DTNA: variants seen among roughly 807,000 people sequenced by gnomAD.
DTNA encodes dystrophin-related protein 3.
A neutral mutation model predicts 100.7 loss-of-function variants in DTNA; 43 were observed. That is an observed-to-expected ratio of 0.43 (90% CI 0.33 to 0.55). The LOEUF (loss-of-function observed/expected upper bound fraction) is 0.55. Among genes scored for constraint, DTNA ranks in the 20% least tolerant of loss-of-function variants. DTNA has a pLI of 0.04. For missense variants in DTNA, 798 were observed against 953.9 expected, an observed-to-expected ratio of 0.84 and a Z score of 2.15; for synonymous variants, 349 against 347.9, an observed-to-expected ratio of 1.00 and a Z score of -0.04.
chr18:34,817,617 A>G (rs1351913076), intron 7 of DTNA, among the ~76,000 whole-genome samples: 1 of 152,074 alleles, frequency 6.6e-6, no homozygotes, highest in Non-Finnish European at 1.5e-5. Flanking sequence ...AGGCAACACC[A>G]CTCGTTAAGT....
At chr18:34,810,380 A>C (rs1056774496) in intron 5 of DTNA, among the ~76,000 whole-genome samples, 1 of 152,076 alleles carries the variant, frequency 6.6e-6, no homozygotes, top group Admixed American at 6.6e-5. Context: ...CTGTCATTTG[A>C]GGCAACAGGG....
chr18:34,794,120 G>T lies in DTNA; in HGVS notation c.232G>T (p.Val78Leu). 6.2e-7 allele frequency: 1 copy of T among 1,614,136 alleles called. No homozygotes were observed. Among genetic ancestry groups the T allele is most frequent in the Admixed American group, 1.7e-5 (1 of 60,006 alleles). Reference sequence around the variant, plus strand: ...CCTGGACCCAAACACTGAACTCAACGTGTCCCGCTTAGAGGCTGTGCTCTC... The same window carrying T: ...CCTGGACCCAAACACTGAACTCAACTTGTCCCGCTTAGAGGCTGTGCTCTC... ...NNLDPNTELNVSRLEAVLSTI... is the reference protein window; with the variant it reads ...NNLDPNTELNLSRLEAVLSTI... Residue 78 changes from valine (V) to leucine (L), a missense_variant, in exon 4 of 23, where the codon GTG becomes TTG. Coordinates refer to ENST00000444659, the MANE Select transcript of DTNA (RefSeq NM_001386795.1).
At chr18:34,707,459 G>A (rs192969808), upstream of DTNA, among the ~76,000 whole-genome samples, 16 of 152,178 alleles carry the variant, frequency 1.1e-4, no homozygotes, top group South Asian at 2.1e-4. Context: ...TACTGGCGTC[G>A]TATTCCCTAG....
intron 15 of DTNA, among the ~76,000 whole-genome samples, chr18:34,853,436 T>TA (rs1012048659): frequency 7.2e-5 from 11 of 152,188 alleles, no homozygotes; most frequent in African/African-American, 2.4e-4. Context: ...CAAGAAAGAA[T>TA]AAAAAGGAGG....
At chr18:34,756,743 G>A (rs561487666) in intron 2 of DTNA, among the ~76,000 whole-genome samples, 6 of 152,158 alleles carry the variant, frequency 3.9e-5, no homozygotes, top group Non-Finnish European at 8.8e-5. Context: ...TAATTGGTTG[G>A]TAGCATCTCC....
At chr18:34,783,493 C>T (rs995029594) in intron 3 of DTNA, among the ~76,000 whole-genome samples, 1 of 152,186 alleles carries the variant, frequency 6.6e-6, no homozygotes, top group Non-Finnish European at 1.5e-5. Context: ...ATGCTTCTCT[C>T]TAAGGATCCT....
rs529117605 is a variant in DTNA, at chr18:34,563,332, G to A, written c.-2+69818G>A. Reference sequence around the variant, plus strand: ...TTGCTGCCATCCACCTTGGCTAGGAGAGAGACATGAACAGTTTCTCTTCCA... The same window carrying A: ...TTGCTGCCATCCACCTTGGCTAGGAAAGAGACATGAACAGTTTCTCTTCCA... On this transcript the variant is annotated intron_variant, in intron 1 of 19. Transcript: ENST00000283365. 3.3e-5 allele frequency among the ~76,000 whole-genome samples: 5 copies of A among 152,350 alleles called. No homozygotes were observed. The South Asian group carries it at 8.3e-4, about 25-fold the overall frequency.
At chr18:34,727,740 T>C (rs1207664959) in intron 1 of DTNA, among the ~76,000 whole-genome samples, 2 of 152,134 alleles carry the variant, frequency 1.3e-5, no homozygotes, top group African/African-American at 4.8e-5. Context: ...AATTTTTGTA[T>C]TGTTAGTAGA....
rs1028572974 is a variant in DTNA, at chr18:34,888,329, T to C, written c.*595T>C. ...AATCATTCAATAACCCTGAAGAATTTGGTTCCTGAGTGTACAAACTCAGAG... is the reference window on the plus strand; with the variant it reads ...AATCATTCAATAACCCTGAAGAATTCGGTTCCTGAGTGTACAAACTCAGAG... On this transcript the variant is annotated 3_prime_UTR_variant, in exon 23 of 23. Coordinates refer to ENST00000444659, the MANE Select transcript of DTNA (RefSeq NM_001386795.1). 1 of 985,716 alleles carries C rather than the reference T, an allele frequency of 1.0e-6. No homozygotes were observed. Among genetic ancestry groups the C allele is most frequent in the Non-Finnish European group, 1.2e-6 (1 of 829,946 alleles). The allele number at this position is 985,716 out of a possible 1,614,324, so 61.1% of individuals were successfully genotyped here.
At chr18:34,633,098 T>C (rs1311744727) in intron 1 of DTNA, among the ~76,000 whole-genome samples, 1 of 152,186 alleles carries the variant, frequency 6.6e-6, no homozygotes. Flanking sequence ...ATTAAGTTAA[T>C]GTATCTTCCT....
intron 3 of DTNA, among the ~76,000 whole-genome samples, chr18:34,778,217 G>A (rs961364337): frequency 6.6e-6 from 1 of 152,172 alleles, no homozygotes; most frequent in Non-Finnish European, 1.5e-5. Flanking sequence ...CAGGAGATGG[G>A]GAGGGATGAT....
chr18:34,695,448 G>T (rs1408200782), intron 1 of DTNA, among the ~76,000 whole-genome samples: 2 of 152,148 alleles, frequency 1.3e-5, no homozygotes. Context: ...TGGGGCTCGT[G>T]TGTAACATAC....
intron 3 of DTNA, among the ~76,000 whole-genome samples, chr18:34,787,272 G>T (rs538225638): frequency 1.3e-5 from 2 of 152,312 alleles, no homozygotes; most frequent in East Asian, 1.9e-4. Context: ...ATCAGTGGTT[G>T]TCAGAATCAC....
At chr18:34,529,681 T>C (rs2042962530) in intron 1 of DTNA, among the ~76,000 whole-genome samples, 1 of 152,148 alleles carries the variant, frequency 6.6e-6, no homozygotes, top group South Asian at 2.1e-4. Context: ...TATGTAACCG[T>C]TGTCATACAG....
chr18:34,727,435 T>G (rs2086967117), intron 1 of DTNA, among the ~76,000 whole-genome samples: 1 of 152,204 alleles, frequency 6.6e-6, no homozygotes, highest in South Asian at 2.1e-4. Context: ...AATATCCTTG[T>G]GAATCAAGGA....
chr18:34,511,344 T>C (rs901450564), intron 1 of DTNA, among the ~76,000 whole-genome samples: 3 of 152,118 alleles, frequency 2.0e-5, no homozygotes, highest in African/African-American at 7.2e-5. Flanking sequence ...AGTAACCCTT[T>C]GTGCTAGTAT....
At chr18:34,883,538 G>A (rs1399091557) in intron 21 of DTNA, among the ~76,000 whole-genome samples, 1 of 151,934 alleles carries the variant, frequency 6.6e-6, no homozygotes, top group Non-Finnish European at 1.5e-5. Flanking sequence ...TTGAACTCCT[G>A]GTCTCAAGTG....
chr18:34,853,212 G>A (rs72952361), intron 15 of DTNA, among the ~76,000 whole-genome samples: 3,090 of 152,206 alleles, frequency 0.02, 40 homozygotes, highest in Non-Finnish European at 0.029. Context: ...GCAAAAAAAC[G>A]CAATTACGTT....
intron 3 of DTNA, among the ~76,000 whole-genome samples, chr18:34,790,955 A>T (rs192620492): frequency 1.3e-5 from 2 of 152,174 alleles, no homozygotes; most frequent in Admixed American, 1.3e-4. Flanking sequence ...CCCTGGAGGG[A>T]GAATAGGCAG....
Sources: allele counts gnomAD v4.1 joint callset (sites outside exome capture counted in the v4.1 genomes callset), GRCh38; gene constraint gnomAD v4.1.1; transcripts MANE v1.5; gene names NCBI Gene and HGNC (gene_info 2026-07-23, HGNC 2026-07-21).